Variants in KTN1 observed in about 807,000 individuals in gnomAD.
KTN1 encodes the protein kinectin 1.
A neutral mutation model predicts 222.5 loss-of-function variants in KTN1; 130 were observed. The observed-to-expected ratio is 0.58, with a 90% confidence interval of 0.51 to 0.68. The LOEUF (loss-of-function observed/expected upper bound fraction) is 0.68. KTN1 is among the 30% of genes least tolerant of loss of function. The pLI is 0.00. For synonymous variants in KTN1, 512 were observed against 496.3 expected (o/e 1.03, Z -0.42); for missense variants, 1,508 against 1,500.4 (o/e 1.01, Z -0.08).
chr14:55,632,584 T>C (rs1048505421), intron 7 of KTN1, among the ~76,000 whole-genome samples: 17 of 132,260 alleles, frequency 1.3e-4, no homozygotes, highest in Non-Finnish European at 2.7e-4. Context: ...TTTTACACAA[T>C]GAAGAGAGTT....
chr14:55,676,761 AAG>A (rs754292807), intron 41 of KTN1, among the ~76,000 whole-genome samples: 3 of 152,164 alleles, frequency 2.0e-5, no homozygotes, highest in African/African-American at 7.2e-5. Context: ...AAAGAGTTGA[AAG>A]AAATTTTTTT....
At chr14:55,584,745 G>A (rs117616253) in intron 1 of KTN1, among the ~76,000 whole-genome samples, 49 of 152,232 alleles carry the variant, frequency 3.2e-4, no homozygotes, top group Non-Finnish European at 6.0e-4. Flanking sequence ...TTCTATGAGG[G>A]TAGGCTTTTT....
chr14:55,606,153 C>G (rs142686551), intron 1 of KTN1, among the ~76,000 whole-genome samples: 1 of 151,952 alleles, frequency 6.6e-6, no homozygotes, highest in African/African-American at 2.4e-5. Context: ...CAGCTTAGGC[C>G]TCACAGCTAC....
intron 29 of KTN1, among the ~76,000 whole-genome samples, chr14:55,656,864 T>C (rs1161165225): frequency 1.3e-5 from 2 of 152,172 alleles, no homozygotes; most frequent in African/African-American, 2.4e-5. Flanking sequence ...TCCTTGCACA[T>C]GTTTTGAATA....
chr14:55,684,117 CTG>C lies in KTN1; in HGVS notation c.*16_*17del, dbSNP rs1287951003. ...TTTACAGAGTGAAGTAATTGGGAAA[CTG>C]TTCATTTGAGGATAAAAAAGGCATT... is the stretch of plus-strand genomic sequence containing the variant. On this transcript the variant is annotated 3_prime_UTR_variant, in exon 44 of 44. Transcript: ENST00000395314. 2.5e-6 allele frequency: 4 copies of C among 1,598,486 alleles called. No homozygotes were observed. The highest frequency in any genetic ancestry group is 1.7e-6 in the Non-Finnish European group (2 of 1,169,834).
intron 34 of KTN1, chr14:55,668,028 C>T (rs2045024602): frequency 6.6e-6 from 1 of 151,704 alleles, no homozygotes; most frequent in Non-Finnish European, 1.5e-5. Context: ...TATAAGCAAT[C>T]TTCTTTTACC....
chr14:55,591,714 T>C (rs954651413), intron 1 of KTN1, among the ~76,000 whole-genome samples: 2 of 151,472 alleles, frequency 1.3e-5, no homozygotes, highest in African/African-American at 4.9e-5. Flanking sequence ...TCAGCTGGGA[T>C]TACAGGCATG....
At chr14:55,599,316 T>G (rs528571618) in intron 1 of KTN1, among the ~76,000 whole-genome samples, 1 of 152,338 alleles carries the variant, frequency 6.6e-6, no homozygotes, top group East Asian at 1.9e-4. Flanking sequence ...TCTTGTTTAT[T>G]TTGACTGGAA....
At chr14:55,594,289 C>G (rs1005202312) in intron 1 of KTN1, among the ~76,000 whole-genome samples, 3 of 152,116 alleles carry the variant, frequency 2.0e-5, no homozygotes, top group Non-Finnish European at 2.9e-5. Flanking sequence ...CTGTTCCCTT[C>G]CTTTGCACAA....
intron 1 of KTN1, among the ~76,000 whole-genome samples, chr14:55,606,384 T>C (rs1402602506): frequency 6.6e-6 from 1 of 152,148 alleles, no homozygotes; most frequent in Non-Finnish European, 1.5e-5. Flanking sequence ...TGTTTTGTGG[T>C]GGAAAAAGAT....
intron 7 of KTN1, among the ~76,000 whole-genome samples, chr14:55,632,437 A>T (rs2040635395): frequency 6.6e-6 from 1 of 152,228 alleles, no homozygotes; most frequent in African/African-American, 2.4e-5. Context: ...TCTTATGAGA[A>T]TATAAGAGTC....
chr14:55,636,268 A>T (rs771189284), intron 9 of KTN1, among the ~76,000 whole-genome samples, 181 bp from the exon 10 acceptor site: 3 of 152,210 alleles, frequency 2.0e-5, no homozygotes, highest in Non-Finnish European at 4.4e-5. Flanking sequence ...GCTATGGCTG[A>T]TAAATAAATG....
At chr14:55,582,634 T>G (rs1422040122) in intron 1 of KTN1, among the ~76,000 whole-genome samples, 1 of 152,216 alleles carries the variant, frequency 6.6e-6, no homozygotes, top group African/African-American at 2.4e-5. Context: ...GGAACATGTG[T>G]TTTTAATTGT....
intron 42 of KTN1, 73 bp from the exon 43 acceptor site, chr14:55,679,492 A>G: frequency 7.8e-7 from 1 of 1,275,338 alleles, no homozygotes; most frequent in East Asian, 2.4e-5. Flanking sequence ...GCAATATAAC[A>G]TTTTCTGTTG....
chr14:55,673,670 ATTC>A (rs1341645319), intron 40 of KTN1: 4 of 154,364 alleles, frequency 2.6e-5, no homozygotes, highest in African/African-American at 9.6e-5. Context: ...AAAGACACAT[ATTC>A]TTCATTCAAG....
intron 34 of KTN1, 151 bp from the exon 35 acceptor site, chr14:55,670,578 C>G (rs1282341517): frequency 1.9e-6 from 1 of 539,292 alleles, no homozygotes; most frequent in East Asian, 3.1e-5. Context: ...GCAGTAGTTA[C>G]ATTCCTCTTT....
At chr14:55,604,512 G>C (rs78987996) in intron 1 of KTN1, among the ~76,000 whole-genome samples, 9 of 152,048 alleles carry the variant, frequency 5.9e-5, no homozygotes, top group Admixed American at 3.9e-4. Flanking sequence ...TTTAATGACT[G>C]TCCACATCTT....
At chr14:55,650,897 A>G (rs1276091725) in intron 24 of KTN1, among the ~76,000 whole-genome samples, 1 of 152,178 alleles carries the variant, frequency 6.6e-6, no homozygotes, top group East Asian at 1.9e-4. Flanking sequence ...CCAATTACAA[A>G]TGAAACACGA....
At chr14:55,589,656 CTTTTTTTTT>C (rs765755065) in intron 1 of KTN1, among the ~76,000 whole-genome samples, 18 of 102,096 alleles carry the variant, frequency 1.8e-4, no homozygotes, top group East Asian at 6.5e-4. Flanking sequence ...CATCTGATTT[CTTTTTTTTT>C]TTTTTTTTTT....
Sources: allele counts gnomAD v4.1 joint callset (sites outside exome capture counted in the v4.1 genomes callset), GRCh38; gene constraint gnomAD v4.1.1; transcripts MANE v1.5; gene names NCBI Gene and HGNC (gene_info 2026-07-23, HGNC 2026-07-21).